Variants in PRR5L observed in about 807,000 individuals in gnomAD.
PRR5L encodes proline-rich protein 5-like.
In PRR5L, 21 loss-of-function variants were observed where a neutral mutation model predicts 36.4. That is an observed-to-expected ratio of 0.58 (90% CI 0.41 to 0.83). The LOEUF (loss-of-function observed/expected upper bound fraction) is 0.83. Ranked by LOEUF, PRR5L falls within the 40% of genes least tolerant of loss-of-function variation. The pLI is 0.00. For synonymous variants in PRR5L, 188 were observed against 197.0 expected (o/e 0.95, Z 0.38); for missense variants, 381 against 473.3 (o/e 0.80, Z 1.81).
intron 1 of PRR5L, among the ~76,000 whole-genome samples, chr11:36,372,184 C>T (rs559955636): frequency 6.6e-6 from 1 of 152,290 alleles, no homozygotes; most frequent in South Asian, 2.1e-4. Flanking sequence ...ACAGAGATCT[C>T]TGTCCTGTCC....
chr11:36,394,506 T>C (rs10768208), intron 1 of PRR5L: 1 of 152,074 alleles, frequency 6.6e-6, no homozygotes, highest in Non-Finnish European at 1.5e-5. Flanking sequence ...CAACAGAAAT[T>C]TATTCTTTCA....
chr11:36,388,688 CTCTTTCTTTCTTTTTTTTTTT>C (rs1857500600), intron 1 of PRR5L, among the ~76,000 whole-genome samples: 1 of 100,330 alleles, frequency 1.0e-5, no homozygotes, highest in African/African-American at 3.1e-5. Context: ...TCAAGGTCGG[CTCTTTCTTTCTTTTTTTTTTT>C]TTTTTTTGAG....
intron 6 of PRR5L, among the ~76,000 whole-genome samples, chr11:36,441,850 C>T (rs1308917839): frequency 6.6e-6 from 1 of 152,126 alleles, no homozygotes; most frequent in African/African-American, 2.4e-5. Context: ...TGGAAGCCAC[C>T]AAGGCTTATA....
At chr11:36,441,696 G>T (rs1858725901) in intron 6 of PRR5L, among the ~76,000 whole-genome samples, 1 of 152,152 alleles carries the variant, frequency 6.6e-6, no homozygotes. Flanking sequence ...CACTGCCCTG[G>T]TAGAGTCTCT....
intron 1 of PRR5L, among the ~76,000 whole-genome samples, chr11:36,360,062 CAT>C (rs1232982048): frequency 2.6e-3 from 250 of 95,870 alleles, no homozygotes; most frequent in African/African-American, 9.2e-3. Context: ...CACACACACA[CAT>C]ACACACACAC....
chr11:36,365,396 T>G (rs753754432), intron 1 of PRR5L, among the ~76,000 whole-genome samples: 2 of 152,344 alleles, frequency 1.3e-5, no homozygotes, highest in South Asian at 4.1e-4. Context: ...GAAGCAAGTT[T>G]GACTGACAGG....
At chr11:36,369,956 G>A (rs1453473648) in intron 1 of PRR5L, among the ~76,000 whole-genome samples, 1 of 152,174 alleles carries the variant, frequency 6.6e-6, no homozygotes, top group African/African-American at 2.4e-5. Context: ...ATGCAGAGAG[G>A]GGATTATTTG....
chr11:36,422,993 A>G (rs2133587144), intron 4 of PRR5L, among the ~76,000 whole-genome samples: 1 of 152,028 alleles, frequency 6.6e-6, no homozygotes, highest in Non-Finnish European at 1.5e-5. Context: ...GGTTCAGAGC[A>G]TGGGTGTGTT....
At chr11:36,303,017 C>T (rs531242145) in intron 1 of PRR5L, among the ~76,000 whole-genome samples, 3 of 152,144 alleles carry the variant, frequency 2.0e-5, no homozygotes, top group Non-Finnish European at 4.4e-5. Flanking sequence ...AGTCAGGATT[C>T]GAGCCCAGGC....
At chr11:36,341,904 A>G (rs1034092545) in intron 1 of PRR5L, among the ~76,000 whole-genome samples, 1 of 152,202 alleles carries the variant, frequency 6.6e-6, no homozygotes, top group East Asian at 1.9e-4. Flanking sequence ...GGGGAAGAGA[A>G]CAGGAGAAAC....
chr11:36,433,865 G>A (rs1358101793), intron 5 of PRR5L, among the ~76,000 whole-genome samples: 1 of 152,192 alleles, frequency 6.6e-6, no homozygotes, highest in Non-Finnish European at 1.5e-5. Context: ...TTGGAGTCAG[G>A]CTAGTACAAA....
At chr11:36,319,820 T>G (rs1290413300) in intron 1 of PRR5L, among the ~76,000 whole-genome samples, 1 of 152,108 alleles carries the variant, frequency 6.6e-6, no homozygotes, top group Non-Finnish European at 1.5e-5. Flanking sequence ...AAAACAAAGA[T>G]TTATTATCAA....
At position 36,377,019 on chromosome 11, in the gene PRR5L, G is replaced by C. The variant is rs1259872436; in HGVS notation, c.-125-23978G>C. Among the ~76,000 whole-genome samples, 2 of 152,194 alleles carry C rather than the reference G, an allele frequency of 1.3e-5. No homozygotes were observed. The highest frequency in any genetic ancestry group is 2.9e-5 in the Non-Finnish European group (2 of 68,038). ...TACCGCCGTGAGGTGGGATGCGGATGCTGGTGATCATGGGACCTAGGCTGA... is the reference window on the plus strand; with the variant it reads ...TACCGCCGTGAGGTGGGATGCGGATCCTGGTGATCATGGGACCTAGGCTGA... On this transcript the variant is annotated intron_variant, in intron 1 of 8. Coordinates refer to ENST00000530639, the MANE Select transcript of PRR5L (RefSeq NM_001160167.2). The surrounding 1 kb of genome is among the most constrained non-coding windows in gnomAD (Gnocchi z 5.1).
intron 1 of PRR5L, among the ~76,000 whole-genome samples, chr11:36,400,618 T>C (rs1857770751): frequency 6.6e-6 from 1 of 152,134 alleles, no homozygotes; most frequent in Admixed American, 6.6e-5. Context: ...GATGAGGAGC[T>C]CTTGTGTCCT....
At chr11:36,309,820 C>T (rs1257079929) in intron 1 of PRR5L, among the ~76,000 whole-genome samples, 3 of 152,046 alleles carry the variant, frequency 2.0e-5, no homozygotes, top group Admixed American at 2.0e-4. Context: ...CTCATCCATA[C>T]TCAACAAGTC....
rs979340253 is a variant in PRR5L at position 36,335,089 on chromosome 11, AT to A, written c.-126+38661del. Reference sequence around the variant, plus strand: ...GTCTCCATCTATGTTTTGAGTGGAGATTTTTTTTTTCTTTTAAGACAGAGTC... The same window carrying A: ...GTCTCCATCTATGTTTTGAGTGGAGATTTTTTTTTCTTTTAAGACAGAGTC... On this transcript the variant is annotated intron_variant, in intron 1 of 8. Coordinates refer to ENST00000530639, the MANE Select transcript of PRR5L (RefSeq NM_001160167.2). 5.3e-4 allele frequency among the ~76,000 whole-genome samples: 79 copies of A among 147,888 alleles called. No homozygotes were observed. The East Asian group carries it at 0.014, about 26-fold the overall frequency.
At chr11:36,332,562 T>C (rs1856729908) in intron 1 of PRR5L, among the ~76,000 whole-genome samples, 2 of 152,240 alleles carry the variant, frequency 1.3e-5, no homozygotes, top group African/African-American at 4.8e-5. Flanking sequence ...TGCTATGGTT[T>C]GGACATTTGT....
intron 4 of PRR5L, among the ~76,000 whole-genome samples, chr11:36,419,986 C>G (rs1858229051): frequency 6.6e-6 from 1 of 152,214 alleles, no homozygotes; most frequent in African/African-American, 2.4e-5. Context: ...TCTCCCCTGT[C>G]TATACATTGT....
intron 1 of PRR5L, among the ~76,000 whole-genome samples, chr11:36,326,325 A>ACG (rs139020906): frequency 0.035 from 5,307 of 151,912 alleles, 322 homozygotes; most frequent in African/African-American, 0.12. Context: ...ACACACACAC[A>ACG]CACACACACA....
Sources: allele counts gnomAD v4.1 joint callset (sites outside exome capture counted in the v4.1 genomes callset), GRCh38; gene constraint gnomAD v4.1.1; non-coding constraint Gnocchi (gnomAD v3.1); transcripts MANE v1.5; gene names NCBI Gene and HGNC (gene_info 2026-07-23, HGNC 2026-07-21).